KRAS: variants seen among roughly 807,000 people sequenced by gnomAD.
KRAS encodes GTPase KRas.
In KRAS, 1 loss-of-function variant was observed where a neutral mutation model predicts 21.0. The observed-to-expected ratio is 0.05, with a 90% CI of 0.02 to 0.23. The LOEUF (loss-of-function observed/expected upper bound fraction) is 0.23, where lower values mean the gene tolerates loss of function less well. KRAS is among the 10% of genes least tolerant of loss of function. KRAS has a pLI of 1.00. For missense variants in KRAS, 107 were observed against 221.8 expected (o/e 0.48, Z 3.29); for synonymous variants, 67 against 72.5 (o/e 0.92, Z 0.39).
intron 1 of KRAS, among the ~76,000 whole-genome samples, chr12:25,249,908 G>C (rs996437111): frequency 6.6e-6 from 1 of 152,168 alleles, no homozygotes; most frequent in African/African-American, 2.4e-5. Context: ...TTTTCTTCGG[G>C]TTTAACTTGA....
At chr12:25,214,329 AG>A (rs1236119896) in intron 4 of KRAS, among the ~76,000 whole-genome samples, 1 of 152,178 alleles carries the variant, frequency 6.6e-6, no homozygotes, top group East Asian at 1.9e-4. Flanking sequence ...GTGGGAAGGT[AG>A]TAAGGACTAT....
intron 2 of KRAS, among the ~76,000 whole-genome samples, chr12:25,229,027 C>G (rs1004200727): frequency 7.9e-5 from 12 of 152,080 alleles, no homozygotes; most frequent in African/African-American, 2.7e-4. Context: ...CCACTGCACT[C>G]CAGCCTGGCA....
At chr12:25,246,639 G>A (rs1039863631) in intron 1 of KRAS, among the ~76,000 whole-genome samples, 51 of 152,024 alleles carry the variant, frequency 3.4e-4, no homozygotes, top group African/African-American at 1.1e-3. Flanking sequence ...CAAGTGAGCC[G>A]GGCACGGTGG....
intron 2 of KRAS, among the ~76,000 whole-genome samples, chr12:25,228,663 T>TA (rs548845195): frequency 6.6e-6 from 1 of 151,852 alleles, no homozygotes; most frequent in African/African-American, 2.4e-5. Flanking sequence ...TTTGGGATGA[T>TA]AAAAAAAAGT....
chr12:25,224,612 A>T (rs1011892826), intron 4 of KRAS, among the ~76,000 whole-genome samples: 15 of 152,216 alleles, frequency 9.9e-5, no homozygotes, highest in Non-Finnish European at 2.1e-4. Flanking sequence ...TATTGAACAG[A>T]AATTTAAAAA....
Position 25,208,433 on chromosome 12 carries a change from C to T in KRAS, c.*1362G>A. The T allele has an allele frequency of 4.3e-6, 1 of 232,854 alleles. No individual in the cohort carries two copies. Among genetic ancestry groups the T allele is most frequent in the Middle Eastern group, 1.3e-3 (1 of 776 alleles). 14.4% of individuals were successfully genotyped at this position (232,854 alleles called of 1,614,324 possible). ...GGATCAGACTTGAAAAGTGTTTATGCAATGTTAATTTAACCAGTGTTAAGA... is the reference window on the plus strand; with the variant it reads ...GGATCAGACTTGAAAAGTGTTTATGTAATGTTAATTTAACCAGTGTTAAGA... On this transcript the variant is annotated 3_prime_UTR_variant, in exon 5 of 5. Coordinates refer to ENST00000311936, the MANE Select transcript of KRAS (RefSeq NM_004985.5).
chr12:25,227,197 C>T (rs2141509031), intron 3 of KRAS, 37 bp downstream of exon 3: 1 of 1,480,854 alleles, frequency 6.8e-7, no homozygotes, highest in Non-Finnish European at 9.4e-7. Context: ...TATAATTACT[C>T]CTTAATGTCA....
At chr12:25,245,480 C>T in intron 1 of KRAS, 85 bp from the exon 2 acceptor site, 4 of 1,292,722 alleles carry the variant, frequency 3.1e-6, no homozygotes, top group South Asian at 1.3e-5. Flanking sequence ...CCACCAGTAC[C>T]TTTTAATACA....
At chr12:25,237,167 C>G (rs146536303) in intron 2 of KRAS, among the ~76,000 whole-genome samples, 85 of 152,200 alleles carry the variant, frequency 5.6e-4, no homozygotes, top group African/African-American at 1.9e-3. Flanking sequence ...GTACGATTCT[C>G]TTTATATGAA....
intron 4 of KRAS, among the ~76,000 whole-genome samples, chr12:25,221,102 T>C (rs1951318456): frequency 6.6e-6 from 1 of 151,784 alleles, no homozygotes. Flanking sequence ...TAAGTTTTAC[T>C]TTAAGATTAT....
rs1211360963 is a variant in KRAS at position 25,209,785 on chromosome 12, C to T, written c.*10G>A. 6.2e-6 allele frequency: 10 copies of T among 1,605,076 alleles called. No homozygotes were observed. The highest frequency in any genetic ancestry group is 2.2e-5 in the East Asian group (1 of 44,664). ...ACTAGTATGCCTTAAGAAAAAAGTA[C>T]AAATTGTATTTACATAATTACACAC... On this transcript the variant is annotated 3_prime_UTR_variant, in exon 5 of 5. Coordinates refer to ENST00000311936, the MANE Select transcript of KRAS (RefSeq NM_004985.5).
chr12:25,247,966 T>C (rs904188539), intron 1 of KRAS, among the ~76,000 whole-genome samples: 1 of 152,198 alleles, frequency 6.6e-6, no homozygotes, highest in Non-Finnish European at 1.5e-5. Flanking sequence ...AAAAATTGTT[T>C]TAATTTCCAA....
At position 25,245,222 on chromosome 12, in the gene KRAS, G is replaced by A. The variant is rs2135805554; in HGVS notation, c.111+52C>T. The A allele has an allele frequency of 2.6e-6, 4 of 1,543,230 alleles. No homozygotes were observed. The South Asian group carries it at 3.5e-5, about 14-fold the overall frequency. ...AAAATGGTCAGAGAAACCTTTATCTGTATCAAAGAATGGTCCTGCACCAGT... is the reference window on the plus strand; with the variant it reads ...AAAATGGTCAGAGAAACCTTTATCTATATCAAAGAATGGTCCTGCACCAGT... On this transcript the variant is annotated intron_variant, in intron 2 of 4. Coordinates refer to ENST00000311936, the MANE Select transcript of KRAS (RefSeq NM_004985.5).
chr12:25,240,827 T>C (rs893006801), intron 2 of KRAS, among the ~76,000 whole-genome samples: 8 of 152,210 alleles, frequency 5.3e-5, no homozygotes, highest in African/African-American at 1.9e-4. Flanking sequence ...CAGGTCTTAA[T>C]AAATACTTAT....
intron 4 of KRAS, chr12:25,215,495 G>T (rs2141488892): frequency 6.2e-7 from 1 of 1,611,272 alleles, no homozygotes; most frequent in Non-Finnish European, 8.5e-7. Flanking sequence ...TTTCTTCTTT[G>T]CTGATTTTTT....
chr12:25,231,865 G>A (rs1222073487), intron 2 of KRAS, among the ~76,000 whole-genome samples: 2 of 152,070 alleles, frequency 1.3e-5, no homozygotes, highest in East Asian at 1.9e-4. Context: ...AATGAAATAC[G>A]ATCTAAAAAG....
In KRAS at chr12:25,208,371, ATTG is replaced by A. The variant is rs1174242885; in HGVS notation, c.*1421_*1423del. On this transcript the variant is annotated 3_prime_UTR_variant, in exon 5 of 5. Coordinates refer to ENST00000311936, the MANE Select transcript of KRAS (RefSeq NM_004985.5). ...GTAACATTTTAAATTTATCAAAAGGATTGTTTTTATTTTTATTTTAAAGCATTA... is the reference window on the plus strand; with the variant it reads ...GTAACATTTTAAATTTATCAAAAGGATTTTTATTTTTATTTTAAAGCATTA... 7 of 232,856 alleles carry A rather than the reference ATTG, an allele frequency of 3.0e-5. No individual in the cohort carries two copies. Among genetic ancestry groups the A allele is most frequent in the Admixed American group, 5.6e-5 (1 of 17,738 alleles). The allele number at this position is 232,856 out of a possible 1,614,324, so 14.4% of individuals were successfully genotyped here.
rs748084214 is a variant in KRAS at position 25,209,201 on chromosome 12, TATA to T, written c.*591_*593del. The T allele has an allele frequency of 3.0e-5, 20 of 670,658 alleles. No homozygotes were observed. Among genetic ancestry groups the T allele is most frequent in the Admixed American group, 1.5e-4 (7 of 46,792 alleles). The allele number at this position is 670,658 out of a possible 1,614,324, so 41.5% of individuals were successfully genotyped here. On this transcript the variant is annotated 3_prime_UTR_variant, in exon 5 of 5. Coordinates refer to ENST00000311936, the MANE Select transcript of KRAS (RefSeq NM_004985.5). ...CATTTTTTTCTTTTTATAGAAAAAA[TATA>T]ATATTTTGGGGAGAGTGACCATGAC...
chr12:25,230,157 G>A (rs1019200529), intron 2 of KRAS, among the ~76,000 whole-genome samples: 1 of 152,136 alleles, frequency 6.6e-6, no homozygotes, highest in Non-Finnish European at 1.5e-5. Context: ...TACAAATGTT[G>A]TTAGTAAAGT....
Sources: gnomAD v4.1 joint callset for allele counts (sites outside exome capture counted in the v4.1 genomes callset) on GRCh38, gnomAD v4.1.1 for gene constraint, MANE v1.5 for transcripts, NCBI Gene and HGNC (gene_info 2026-07-23, HGNC 2026-07-21) for gene names.